Variants in SLC28A2 observed in about 807,000 individuals in gnomAD.
SLC28A2 encodes sodium/nucleoside cotransporter 2.
Under a neutral mutation model 72.9 loss-of-function variants are expected in SLC28A2, and 69 were observed. The observed-to-expected ratio is 0.95, with a 90% CI of 0.78 to 1.16. The LOEUF is 1.16. SLC28A2 is among the 50% of genes most tolerant of loss of function. SLC28A2 has a pLI of 0.00. For missense variants in SLC28A2, 745 were observed against 791.1 expected (o/e 0.94, Z 0.70); for synonymous variants, 296 against 294.1 (o/e 1.01, Z -0.07).
Position 45,253,453 on chromosome 15 carries a change from G to C in SLC28A2, c.103G>C (p.Gly35Arg). Residue 35 changes from glycine (G) to arginine (R), a missense_variant, in exon 3 of 18, where the codon GGA becomes CGA. By Grantham distance (125) the Gly-to-Arg change is moderately radical. Transcript: ENST00000347644. The stretch of plus-strand genomic sequence containing the variant: ...GTAGGAAAAAGAAGTAGAGCCTGAG[G>C]GAAGCAAGAGGACTGACGCACAAGG... ...ELMEKEVEPE[G>R]SKRTDAQGHS... The C allele has an allele frequency of 6.2e-7, 1 of 1,613,890 alleles. No homozygotes were observed. The highest frequency in any genetic ancestry group is 8.5e-7 in the Non-Finnish European group (1 of 1,179,772).
rs370680081 is a variant in SLC28A2, at chr15:45,274,749, T to C, written c.1860-647T>C. ...GCTCTGGCATCGTTTTGATTCTTCT[T>C]TTTTTTTTTTTTTGAGACACAGGCT... is the stretch of plus-strand genomic sequence containing the variant. On this transcript the variant is annotated intron_variant, in intron 17 of 17. Transcript: ENST00000347644. Among the ~76,000 whole-genome samples the C allele has an allele frequency of 3.2e-3, 471 of 147,256 alleles. 1 individual carries two copies. The highest frequency in any genetic ancestry group is 0.011 in the African/African-American group (445 of 40,930).
At chr15:45,275,110 TCATTATAAGCCATA>T (rs1428385894) in intron 17 of SLC28A2, among the ~76,000 whole-genome samples, 3 of 152,178 alleles carry the variant, frequency 2.0e-5, no homozygotes, top group African/African-American at 7.2e-5. Context: ...CAATACTAAA[TCATTATAAGCCATA>T]CATTTGCCTC....
chr15:45,254,464 C>T (rs1196766886), intron 3 of SLC28A2, among the ~76,000 whole-genome samples: 5 of 152,106 alleles, frequency 3.3e-5, no homozygotes, highest in Non-Finnish European at 7.4e-5. Flanking sequence ...CTATAGTTGC[C>T]TACAGTATTA....
At chr15:45,253,150 C>A in intron 1 of SLC28A2, 50 bp from the exon 2 acceptor site, 3 of 1,294,270 alleles carry the variant, frequency 2.3e-6, no homozygotes, top group Non-Finnish European at 3.3e-6. Flanking sequence ...CCCATCCCCA[C>A]AGAACAGAAT....
chr15:45,255,714 T>C (rs1033398007), intron 3 of SLC28A2, among the ~76,000 whole-genome samples: 3 of 152,114 alleles, frequency 2.0e-5, no homozygotes, highest in Non-Finnish European at 4.4e-5. Flanking sequence ...ATTTCCACCA[T>C]ACACATACAG....
Position 45,265,602 on chromosome 15 carries a change from T to C in SLC28A2, c.800T>C (p.Phe267Ser). 6.2e-7 allele frequency: 1 copy of C among 1,613,216 alleles called. No homozygotes were observed. Among genetic ancestry groups the C allele is most frequent in the Non-Finnish European group, 8.5e-7 (1 of 1,179,162 alleles). ...TTACAGGCCTTACCAATCATCATTTTCTTTGGATGTGTGGTGTCCATTCTC... is the reference window on the plus strand; with the variant it reads ...TTACAGGCCTTACCAATCATCATTTCCTTTGGATGTGTGGTGTCCATTCTC... ...FAFQALPIII[F>S]FGCVVSILYY... The change falls in exon 9 of 18, where the codon TTC becomes TCC. Residue 267 changes from phenylalanine (F) to serine (S), a missense_variant. By Grantham distance (155) the Phe-to-Ser change is radical (BLOSUM62 -2). Coordinates refer to ENST00000347644, the MANE Select transcript of SLC28A2 (RefSeq NM_004212.4).
At position 45,276,061 on chromosome 15, in the gene SLC28A2, T is replaced by C. The variant is rs1309744526; in HGVS notation, c.*548T>C. On this transcript the variant is annotated 3_prime_UTR_variant, in exon 18 of 18. Coordinates refer to ENST00000347644, the MANE Select transcript of SLC28A2 (RefSeq NM_004212.4). ...TTCCTCATGGGCCCTGCCTGAACTT[T>C]CATTTGAAAAAATAAGTATTACTGT... 6.6e-6 allele frequency: 1 copy of C among 152,400 alleles called. No individual in the cohort carries two copies. Among genetic ancestry groups the C allele is most frequent in the East Asian group, 1.9e-4 (1 of 5,196 alleles). The allele number at this position is 152,400 out of a possible 1,614,324, so 9.4% of individuals were successfully genotyped here. A position where few individuals can be genotyped will look rare whatever the true frequency, so the allele number is the denominator to read the frequency against.
At chr15:45,265,531 A>G (rs1900303864) in intron 8 of SLC28A2, 52 bp from the exon 9 acceptor site, 9 of 1,287,684 alleles carry the variant, frequency 7.0e-6, no homozygotes, top group Non-Finnish European at 1.0e-5. Context: ...GAAGCCTAAA[A>G]CACAGAGTAT....
chr15:45,262,710 G>A (rs531824100), intron 4 of SLC28A2, among the ~76,000 whole-genome samples: 1 of 152,302 alleles, frequency 6.6e-6, no homozygotes, highest in Non-Finnish European at 1.5e-5. Context: ...AAAGTTTCAA[G>A]GGGAGATGAC....
At position 45,266,068 on chromosome 15, in the gene SLC28A2, T is replaced by G. The variant is rs1486002034; in HGVS notation, c.862-13T>G. Reference sequence around the variant, plus strand: ...TGCTAACATTAATGGTTTAGGTTTCTGTATTCTTCTAGGTCGCCTGGTTTT... The same window carrying G: ...TGCTAACATTAATGGTTTAGGTTTCGGTATTCTTCTAGGTCGCCTGGTTTT... On this transcript the variant is annotated splice_polypyrimidine_tract_variant and intron_variant, in intron 9 of 17. Transcript: ENST00000347644. 1 of 1,586,826 alleles carries G rather than the reference T, an allele frequency of 6.3e-7. No homozygotes were observed. Among genetic ancestry groups the G allele is most frequent in the African/African-American group, 1.3e-5 (1 of 74,456 alleles).
At chr15:45,273,873 T>A (rs1463937077) in intron 17 of SLC28A2, among the ~76,000 whole-genome samples, 2 of 152,182 alleles carry the variant, frequency 1.3e-5, no homozygotes, top group Non-Finnish European at 2.9e-5. Context: ...GGAGTGCCAT[T>A]CATTCACAGA....
intron 17 of SLC28A2, among the ~76,000 whole-genome samples, chr15:45,275,084 C>CT (rs1452829286): frequency 6.6e-6 from 1 of 152,132 alleles, no homozygotes; most frequent in Non-Finnish European, 1.5e-5. Context: ...TACCACCTTA[C>CT]TTTTCAGAAT....
rs757574340 is a variant in SLC28A2 at position 45,269,492 on chromosome 15, C to G, written c.1523C>G (p.Ser508Cys). 2.5e-6 allele frequency: 4 copies of G among 1,614,042 alleles called. No homozygotes were observed. The highest frequency in any genetic ancestry group is 2.5e-6 in the Non-Finnish European group (3 of 1,180,022). ...TCTCAATACAAGAACAAACGTCTCT[C>G]TGGAATGGAGGAGTGGATTGAGGGA... ...QLSQYKNKRL[S>C]GMEEWIEGEK... The change falls in exon 14 of 18, where the codon TCT (serine) becomes TGT (cysteine). Residue 508 changes from serine (S) to cysteine (C), a missense_variant. Physicochemically the swap from Ser to Cys is moderately radical, Grantham distance 112. Coordinates refer to ENST00000347644, the MANE Select transcript of SLC28A2 (RefSeq NM_004212.4).
Position 45,265,606 on chromosome 15 carries a change from T to C in SLC28A2, c.804T>C (p.Phe268=), listed in dbSNP as rs1200495897. ...AGGCCTTACCAATCATCATTTTCTT[T>C]GGATGTGTGGTGTCCATTCTCTACT... ...AFQALPIIIF[F]GCVVSILYYL... Residue 268 remains phenylalanine (F), a synonymous_variant, in exon 9 of 18, where the codon TTT becomes TTC. Transcript: ENST00000347644. The C allele has an allele frequency of 6.2e-7, 1 of 1,613,358 alleles. No homozygotes were observed. Among genetic ancestry groups the C allele is most frequent in the African/African-American group, 1.3e-5 (1 of 74,898 alleles).
At chr15:45,259,624 A>G (rs1378062752) in intron 3 of SLC28A2, among the ~76,000 whole-genome samples, 1 of 152,244 alleles carries the variant, frequency 6.6e-6, no homozygotes, top group Non-Finnish European at 1.5e-5. Flanking sequence ...TCTTTTATTC[A>G]GCAAACACTT....
rs552282349 is a variant in SLC28A2, at chr15:45,261,203, T to C, written c.171-812T>C. Among the ~76,000 whole-genome samples, 3 of 152,250 alleles carry C rather than the reference T, an allele frequency of 2.0e-5. No homozygotes were observed. In the East Asian group the frequency reaches 5.8e-4, roughly 29 times the overall value. The stretch of plus-strand genomic sequence containing the variant: ...ATGGCTGCAGCATGCTGAGCATACT[T>C]AGGAGTGGAAAAGACAGGCAACCCT... On this transcript the variant is annotated intron_variant, in intron 3 of 17. Coordinates refer to ENST00000347644, the MANE Select transcript of SLC28A2 (RefSeq NM_004212.4).
intron 3 of SLC28A2, among the ~76,000 whole-genome samples, chr15:45,254,329 T>A (rs1399847670): frequency 6.6e-6 from 1 of 152,220 alleles, no homozygotes; most frequent in Admixed American, 6.5e-5. Flanking sequence ...CAATGGTGTA[T>A]AATCATGTAT....
At chr15:45,273,670 A>C (rs1290572989) in intron 17 of SLC28A2, among the ~76,000 whole-genome samples, 2 of 152,234 alleles carry the variant, frequency 1.3e-5, no homozygotes, top group Non-Finnish European at 2.9e-5. Flanking sequence ...GGAGACCAAC[A>C]AACACCCTGC....
At chr15:45,253,572 G>T in intron 3 of SLC28A2, 52 bp downstream of exon 3, 1 of 1,168,628 alleles carries the variant, frequency 8.6e-7, no homozygotes, top group Non-Finnish European at 1.3e-6. Flanking sequence ...AGGGTGGGCT[G>T]CCCCTTCAGG....
Sources: allele counts gnomAD v4.1 joint callset (sites outside exome capture counted in the v4.1 genomes callset), GRCh38; gene constraint gnomAD v4.1.1; transcripts MANE v1.5; gene names NCBI Gene and HGNC (gene_info 2026-07-23, HGNC 2026-07-21).